The following ABCA13 variants were observed in gnomAD, a reference collection of about 807,000 sequenced individuals.
ABCA13 encodes the protein ATP-binding cassette sub-family A member 13.
Under a neutral mutation model 478.7 loss-of-function variants are expected in ABCA13, and 476 were observed. The observed-to-expected ratio is 0.99, with a 90% CI of 0.92 to 1.07. The LOEUF (loss-of-function observed/expected upper bound fraction) is 1.07, where lower values mean the gene tolerates loss of function less well. Ranked by LOEUF, ABCA13 falls within the 50% of genes least tolerant of loss-of-function variation. ABCA13 has a pLI of 0.00. For synonymous variants in ABCA13, 2,252 were observed against 2,158.9 expected, an observed-to-expected ratio of 1.04 and a Z score of -1.20; for missense variants, 6,060 against 5,910.6, an observed-to-expected ratio of 1.03 and a Z score of -0.83.
At position 48,643,338 on chromosome 7, in the gene ABCA13, A is replaced by G; in HGVS notation, c.14888A>G (p.Gln4963Arg). ...GTTTGGCTCTGTAAGGAAGCAAATC[A>G]ACATTGCACTGTTTCTGACCACTTG... ...VKVWLCKEAN[Q>R]HCTVSDHLKL... The change falls in exon 60 of 62, where the codon CAA becomes CGA. Residue 4963 changes from glutamine to arginine, a missense_variant. Gln to Arg is a conservative substitution (Grantham distance 43, BLOSUM62 1). Transcript: ENST00000435803. 6.2e-7 allele frequency: 1 copy of G among 1,613,524 alleles called. No individual in the cohort carries two copies. Among genetic ancestry groups the G allele is most frequent in the Non-Finnish European group, 8.5e-7 (1 of 1,179,652 alleles).
At chr7:48,200,617 A>C (rs1264831126) in intron 3 of ABCA13, among the ~76,000 whole-genome samples, 2 of 152,188 alleles carry the variant, frequency 1.3e-5, no homozygotes, top group African/African-American at 4.8e-5. Flanking sequence ...CCCAAGTCAG[A>C]GGTATAAGAA....
At position 48,340,724 on chromosome 7, in the gene ABCA13, G is replaced by A. The variant is rs917512996; in HGVS notation, c.10204+2269G>A. Among the ~76,000 whole-genome samples, 5 of 152,160 alleles carry A rather than the reference G, an allele frequency of 3.3e-5. No individual in the cohort carries two copies. In the East Asian group the frequency reaches 9.6e-4, roughly 29 times the overall value. ...AGAGTGTGAATCGTACCTGAGCCAC[G>A]TTTGTTCAACACATTGCTGCTTAGC... is the stretch of plus-strand genomic sequence containing the variant. On this transcript the variant is annotated intron_variant, in intron 29 of 61. Transcript: ENST00000435803.
chr7:48,625,197 T>C (rs1793549889), intron 59 of ABCA13, among the ~76,000 whole-genome samples: 1 of 152,240 alleles, frequency 6.6e-6, no homozygotes, highest in Non-Finnish European at 1.5e-5. Context: ...TGTGACACCA[T>C]ATGCTTTAGT....
chr7:48,428,809 A>G (rs1035645110), intron 42 of ABCA13, among the ~76,000 whole-genome samples: 23 of 152,220 alleles, frequency 1.5e-4, no homozygotes, highest in African/African-American at 5.5e-4. Flanking sequence ...TAATTCACAT[A>G]ACACACAATT....
At position 48,624,059 on chromosome 7, in the gene ABCA13, AGTGTGTGT is replaced by A. The variant is rs3078326; in HGVS notation, c.14837+8716_14837+8723del. On this transcript the variant is annotated intron_variant, in intron 59 of 61. Transcript: ENST00000435803. ...GAGTTTACGTGTGAGCACATGATAG[AGTGTGTGT>A]GTGTGTGTGTGTGTGTGTGTGTGTG... 1.2e-3 allele frequency among the ~76,000 whole-genome samples: 168 copies of A among 142,528 alleles called. 1 individual carries two copies. Among genetic ancestry groups the A allele is most frequent in the Admixed American group, 3.0e-3 (43 of 14,262 alleles). The allele number at this position is 142,528 out of a possible 152,430, so 93.5% of individuals were successfully genotyped here. A position where few individuals can be genotyped will look rare whatever the true frequency, so the allele number is the denominator to read the frequency against.
chr7:48,205,739 G>T (rs1450943879), intron 3 of ABCA13, among the ~76,000 whole-genome samples: 3 of 152,010 alleles, frequency 2.0e-5, no homozygotes, highest in Non-Finnish European at 4.4e-5. Flanking sequence ...TTTCATGAAG[G>T]TTATGCATAT....
chr7:48,274,181 C>T lies in ABCA13; in HGVS notation c.4515C>T (p.Asn1505=), dbSNP rs376695501. The T allele has an allele frequency of 1.8e-4, 296 of 1,611,706 alleles. No homozygotes were observed. Among genetic ancestry groups the T allele is most frequent in the Non-Finnish European group, 2.2e-4 (265 of 1,178,582 alleles). Residue 1505 remains asparagine (N), a synonymous_variant, in exon 17 of 62, where the codon AAC becomes AAT. Coordinates refer to ENST00000435803, the MANE Select transcript of ABCA13 (RefSeq NM_152701.5). ...DSTKQVRMSI[N]NLTTDFDFAS... ...CAAAGCAAGTAAGGATGAGTATCAA[C>T]AACTTAACAACAGACTTTGATTTTG...
chr7:48,449,237 A>C (rs1005420731), intron 42 of ABCA13, among the ~76,000 whole-genome samples: 3 of 151,966 alleles, frequency 2.0e-5, no homozygotes, highest in African/African-American at 7.3e-5. Context: ...ACATTCTTTT[A>C]TTTTCTTTTC....
chr7:48,630,363 T>G (rs1011165418), intron 59 of ABCA13, among the ~76,000 whole-genome samples: 3 of 152,166 alleles, frequency 2.0e-5, no homozygotes, highest in Admixed American at 2.0e-4. Context: ...TTCTTTGTTT[T>G]CATGCATACT....
In ABCA13 at chr7:48,273,684, G is replaced by T; in HGVS notation, c.4018G>T (p.Asp1340Tyr). Reference protein sequence around the residue: ...AIVFLRNVSHDRDLFSCADIF... With the variant: ...AIVFLRNVSHYRDLFSCADIF... Reference sequence around the variant, plus strand: ...AGTATTTCTTAGAAATGTATCACATGATCGAGATTTGTTTTCCTGTGCTGA... The same window carrying T: ...AGTATTTCTTAGAAATGTATCACATTATCGAGATTTGTTTTCCTGTGCTGA... Residue 1340 changes from aspartate to tyrosine, a missense_variant, in exon 17 of 62, where the codon GAT becomes TAT. Physicochemically the swap from Asp to Tyr is radical, Grantham distance 160. Around this residue, in one of 3 missense-constraint regions of ABCA13, gnomAD observed 4,423 missense variants for 4,309.1 expected, o/e 1.03. Coordinates refer to ENST00000435803, the MANE Select transcript of ABCA13 (RefSeq NM_152701.5). 1 of 1,608,006 alleles carries T rather than the reference G, an allele frequency of 6.2e-7. No individual in the cohort carries two copies. Among genetic ancestry groups the T allele is most frequent in the Non-Finnish European group, 8.5e-7 (1 of 1,176,812 alleles).
intron 59 of ABCA13, among the ~76,000 whole-genome samples, chr7:48,624,939 G>A (rs1793523928): frequency 6.6e-6 from 1 of 152,032 alleles, no homozygotes; most frequent in African/African-American, 2.4e-5. Flanking sequence ...AAATTGTTAA[G>A]ATTATGAGAA....
rs541256585 is a variant in ABCA13, at chr7:48,224,002, A to AGG, written c.468+2694_468+2695dup. Among the ~76,000 whole-genome samples, 716 of 148,944 alleles carry AGG rather than the reference A, an allele frequency of 4.8e-3. 3 individuals carry two copies. The highest frequency in any genetic ancestry group is 0.017 in the African/African-American group (677 of 40,374). On this transcript the variant is annotated intron_variant, in intron 5 of 61. Transcript: ENST00000435803. ...AGAGAGAGAGAGAGAGAATGGGGGCAGGTAAGTGGAGACAGAGAGTGTATA... is the reference window on the plus strand; with the variant it reads ...AGAGAGAGAGAGAGAGAATGGGGGCAGGGGTAAGTGGAGACAGAGAGTGTATA...
rs573559570 is a variant in ABCA13, at chr7:48,225,567, A to C, written c.469-1695A>C. Among the ~76,000 whole-genome samples, 380 of 152,306 alleles carry C rather than the reference A, an allele frequency of 2.5e-3. 3 individuals are homozygous for C. The highest frequency in any genetic ancestry group is 8.9e-3 in the African/African-American group (368 of 41,560). ...AAATCTTGGATCATGTATTGCATTC[A>C]GTTGTCCTGTCTTTAGTTTCCTTTG... is the stretch of plus-strand genomic sequence containing the variant. On this transcript the variant is annotated intron_variant, in intron 5 of 61. Coordinates refer to ENST00000435803, the MANE Select transcript of ABCA13 (RefSeq NM_152701.5).
At chr7:48,354,068 C>T (rs1161526031) in intron 31 of ABCA13, among the ~76,000 whole-genome samples, 2 of 152,018 alleles carry the variant, frequency 1.3e-5, no homozygotes, top group African/African-American at 4.8e-5. Flanking sequence ...TGCACAGACA[C>T]TTCATACCCA....
rs909460164 is a variant in ABCA13 at position 48,287,953 on chromosome 7, C to T, written c.8837-7C>T. The T allele has an allele frequency of 1.4e-5, 23 of 1,610,524 alleles. No individual in the cohort carries two copies. Among genetic ancestry groups the T allele is most frequent in the Non-Finnish European group, 2.0e-5 (23 of 1,176,834 alleles). On this transcript the variant is annotated splice_polypyrimidine_tract_variant and splice_region_variant and intron_variant, in intron 19 of 61. Transcript: ENST00000435803. ...TTAATTATTTCTCTGTGTGTTTCCT[C>T]TGGCAGAAAACCCTTCCTGGACCAA...
intron 3 of ABCA13, among the ~76,000 whole-genome samples, chr7:48,204,856 A>C (rs1784727784): frequency 6.6e-6 from 1 of 152,162 alleles, no homozygotes; most frequent in African/African-American, 2.4e-5. Flanking sequence ...AGCCCCTTTC[A>C]TAACTTAGTG....
chr7:48,291,589 G>C (rs1798541049), intron 20 of ABCA13, among the ~76,000 whole-genome samples: 1 of 152,138 alleles, frequency 6.6e-6, no homozygotes, highest in Non-Finnish European at 1.5e-5. Flanking sequence ...GCCATGCAAT[G>C]TCCGCTTCTT....
chr7:48,249,446 G>A (rs916611309), intron 15 of ABCA13, 95 bp downstream of exon 15: 42 of 1,526,588 alleles, frequency 2.8e-5, no homozygotes, highest in South Asian at 6.3e-5. Flanking sequence ...TTAACAAAGC[G>A]GGGCTTAAAA....
chr7:48,350,510 C>A, intron 29 of ABCA13, 133 bp from the exon 30 acceptor site: 1 of 1,112,454 alleles, frequency 9.0e-7, no homozygotes, highest in Non-Finnish European at 1.2e-6. Context: ...CAAAATTTGA[C>A]TCTTTTGAGC....
Sources: gnomAD v4.1 joint callset for allele counts (sites outside exome capture counted in the v4.1 genomes callset) on GRCh38, gnomAD v4.1.1 for gene constraint, gnomAD v4.1.1 regional missense constraint, MANE v1.5 for transcripts, NCBI Gene and HGNC (gene_info 2026-07-23, HGNC 2026-07-21) for gene names.